Variants in TMEM31 observed in about 807,000 individuals in gnomAD.
The protein encoded by TMEM31 is transmembrane protein 31.
A neutral mutation model predicts 2.4 loss-of-function variants in TMEM31; 1 was observed. That is an observed-to-expected ratio of 0.42 (90% CI 0.15 to 1.97). TMEM31 has a LOEUF of 1.97. TMEM31 is among the 30% of genes most tolerant of loss of function. The pLI, the probability that TMEM31 is intolerant of heterozygous loss-of-function variation, is 0.30. For missense variants in TMEM31, 119 were observed against 121.3 expected, an observed-to-expected ratio of 0.98 and a Z score of 0.09; for synonymous variants, 47 against 45.8, an observed-to-expected ratio of 1.03 and a Z score of -0.10.
In TMEM31 at chrX:103,712,247, A is replaced by G. The variant is rs754595760; in HGVS notation, c.-12A>G. On this transcript the variant is annotated 5_prime_UTR_variant, in exon 2 of 3. Transcript: ENST00000319560. Reference sequence around the variant, plus strand: ...TTATATTTCCCCAGGTGATCACTTTACTGTAGAAGAAATGAGGTTAACAGA... The same window carrying G: ...TTATATTTCCCCAGGTGATCACTTTGCTGTAGAAGAAATGAGGTTAACAGA... 1 of 1,193,720 alleles carries G rather than the reference A, an allele frequency of 8.4e-7. No individual in the cohort carries two copies. The highest frequency in any genetic ancestry group is 1.8e-5 in the South Asian group (1 of 55,121).
rs182879919 is a variant in TMEM31, at chrX:103,711,613, G to C, written c.-24+537G>C. The stretch of plus-strand genomic sequence containing the variant: ...TGCTTTTAGGTTTCTTGAAGAATGA[G>C]TCCTACTCGAGGACATGTAGTTGTG... On this transcript the variant is annotated intron_variant, in intron 1 of 2. Transcript: ENST00000319560. 1.3e-4 allele frequency among the ~76,000 whole-genome samples: 15 copies of C among 111,717 alleles called. 1 individual carries two copies. The Middle Eastern group carries it at 0.019, about 138-fold the overall frequency.
Position 103,713,612 on chromosome X carries a change from C to T in TMEM31, c.121C>T (p.Arg41Ter), listed in dbSNP as rs199835307. 5 of 1,210,455 alleles carry T rather than the reference C, an allele frequency of 4.1e-6. No individual in the cohort carries two copies. Among genetic ancestry groups the T allele is most frequent in the Non-Finnish European group, 5.6e-6 (5 of 895,396 alleles). The change falls in exon 3 of 3, where the codon CGA becomes TGA. Residue 41 changes from arginine to a stop codon, truncating the protein, a stop_gained. Coordinates refer to ENST00000319560, the MANE Select transcript of TMEM31 (RefSeq NM_182541.2). LOFTEE classifies it low-confidence loss of function (END_TRUNC). ...ATGGCAGCATACTCCAGCAAGGCAG[C>T]GAACACAAAGAGCAGACACACAGCC... is the stretch of plus-strand genomic sequence containing the variant. Reference protein sequence around the residue: ...QSEQHTPARQRTQRADTQPSR... With the variant: ...QSEQHTPARQ
Position 103,713,913 on chromosome X carries a change from C to T in TMEM31, c.422C>T (p.Pro141Leu), listed in dbSNP as rs1467011513. 5.0e-6 allele frequency: 6 copies of T among 1,210,172 alleles called. No homozygotes were observed. Among genetic ancestry groups the T allele is most frequent in the East Asian group, 3.0e-5 (1 of 33,794 alleles). Reference sequence around the variant, plus strand: ...CTCTACTTCTACAAGTTTTTCCTTCCTACAATTCTTTCCCTTTCTTTCTTT... The same window carrying T: ...CTCTACTTCTACAAGTTTTTCCTTCTTACAATTCTTTCCCTTTCTTTCTTT... ...STLYFYKFFL[P>L]TILSLSFFIL... The change falls in exon 3 of 3, where the codon CCT (proline) becomes CTT (leucine). Residue 141 changes from proline to leucine, a missense_variant. Transcript: ENST00000319560.
intron 2 of TMEM31, 61 bp from the exon 3 acceptor site, chrX:103,713,533 C>A (rs2074232919): frequency 1.7e-6 from 2 of 1,209,718 alleles, no homozygotes; most frequent in African/African-American, 3.5e-5. Context: ...GCGTTGGCGC[C>A]TCTGCCTTCT....
rs758466453 is a variant in TMEM31 at position 103,713,743 on chromosome X, C to T, written c.252C>T (p.Pro84=). 6 of 1,211,412 alleles carry T rather than the reference C, an allele frequency of 5.0e-6. No homozygotes were observed. In the Admixed American group the frequency reaches 8.7e-5, roughly 18 times the overall value. ...GGCCTACTGAGTGGATTTTCAACCC[C>T]TATCGATTGCCTGCTCTTTTTGAGC... is the stretch of plus-strand genomic sequence containing the variant. ...LPWPTEWIFN[P]YRLPALFELY... is the part of the protein sequence containing the mutation. The change falls in exon 3 of 3, where the codon CCC becomes CCT. Residue 84 remains proline, a synonymous_variant. Transcript: ENST00000319560.
chrX:103,713,727 A>G lies in TMEM31; in HGVS notation c.236A>G (p.Glu79Gly). Residue 79 changes from glutamate to glycine, a missense_variant, in exon 3 of 3, where the codon GAG becomes GGG. Glu to Gly is a moderately conservative substitution (Grantham distance 98, BLOSUM62 -2). Coordinates refer to ENST00000319560, the MANE Select transcript of TMEM31 (RefSeq NM_182541.2). ...NLLEVLPWPTEWIFNPYRLPA... is the reference protein window; with the variant it reads ...NLLEVLPWPTGWIFNPYRLPA... ...CTTGAAGTCCTTCCGTGGCCTACTG[A>G]GTGGATTTTCAACCCCTATCGATTG... 1 of 1,211,467 alleles carries G rather than the reference A, an allele frequency of 8.3e-7. No homozygotes were observed. The highest frequency in any genetic ancestry group is 1.7e-5 in the African/African-American group (1 of 57,675).
At chrX:103,713,476 G>A in intron 2 of TMEM31, 118 bp from the exon 3 acceptor site, 2 of 1,184,329 alleles carry the variant, frequency 1.7e-6, no homozygotes, top group African/African-American at 1.7e-5. Flanking sequence ...GGAGGAAGGA[G>A]TCCAAAGGAG....
chrX:103,713,398 G>A (rs2074232307), intron 2 of TMEM31, 196 bp from the exon 3 acceptor site: 1 of 798,678 alleles, frequency 1.3e-6, no homozygotes, highest in South Asian at 2.6e-5. Context: ...ATGAATCCAG[G>A]GTTTCTGATT....
chrX:103,712,942 CT>C (rs1275134611), intron 2 of TMEM31, among the ~76,000 whole-genome samples: 2 of 111,957 alleles, frequency 1.8e-5, no homozygotes, highest in East Asian at 5.6e-4. Context: ...ACTATACTGA[CT>C]TACAGAATCA....
Position 103,713,643 on chromosome X carries a change from G to A in TMEM31, c.152G>A (p.Arg51Lys). ...CAAAGAGCAGACACACAGCCATCCA[G>A]ATGTCGATTGCCTTCACGTAGGACA... is the stretch of plus-strand genomic sequence containing the variant. ...RTQRADTQPS[R>K]CRLPSRRTPT... Residue 51 changes from arginine (R) to lysine (K), a missense_variant, in exon 3 of 3, where the codon AGA becomes AAA. Physicochemically the swap from Arg to Lys is conservative, Grantham distance 26. Coordinates refer to ENST00000319560, the MANE Select transcript of TMEM31 (RefSeq NM_182541.2). 1.6e-6 allele frequency: 2 copies of A among 1,212,211 alleles called. No individual in the cohort carries two copies. Among genetic ancestry groups the A allele is most frequent in the African/African-American group, 1.7e-5 (1 of 57,905 alleles).
At chrX:103,712,385 A>G (rs200532052) in intron 2 of TMEM31, 25 bp downstream of exon 2, 120 of 1,145,906 alleles carry the variant, frequency 1.0e-4, no homozygotes, top group Non-Finnish European at 1.4e-4. Flanking sequence ...CTCAATTCCA[A>G]CTTAGTTATG....
Position 103,712,303 on chromosome X carries a change from CA to C in TMEM31, c.47del (p.Asn16ThrfsTer97), listed in dbSNP as rs1569416125. 2 of 1,210,467 alleles carry C rather than the reference CA, an allele frequency of 1.7e-6. No homozygotes were observed. The highest frequency in any genetic ancestry group is 2.2e-6 in the Non-Finnish European group (2 of 894,929). ...GTGAGGGAGAACAACAACTCAAGCC[CA>C]ACAACTCTAATGCACCCAATGAAGA... ...KSEGEQQLKP[N>X]NSNAPNEDQE... is the part of the protein sequence containing the mutation. On this transcript the variant is annotated frameshift_variant, in exon 2 of 3. Transcript: ENST00000319560. LOFTEE classifies it high-confidence loss of function.
chrX:103,713,075 GTTTCTTTC>G (rs745966990), intron 2 of TMEM31, among the ~76,000 whole-genome samples: 8 of 110,231 alleles, frequency 7.3e-5, no homozygotes, highest in Non-Finnish European at 1.5e-4. Context: ...TAGAATCCAG[GTTTCTTTC>G]TTTCTTTCTT....
At chrX:103,712,551 T>A (rs2074228266) in intron 2 of TMEM31, among the ~76,000 whole-genome samples, 191 bp downstream of exon 2, 1 of 111,977 alleles carries the variant, frequency 8.9e-6, no homozygotes, top group Non-Finnish European at 1.9e-5. Flanking sequence ...TTTATTTATT[T>A]ACTTATTTTT....
rs2074220865 is a variant in TMEM31, at chrX:103,711,063, T to C, written c.-37T>C. ...ACTCTGGATTGGTTGGCAGTCTGCTTTTTTTTTTCCAAGGTAGGCATTGAG... is the reference window on the plus strand; with the variant it reads ...ACTCTGGATTGGTTGGCAGTCTGCTCTTTTTTTTCCAAGGTAGGCATTGAG... On this transcript the variant is annotated 5_prime_UTR_variant, in exon 1 of 3. Transcript: ENST00000319560. The C allele has an allele frequency of 9.2e-6, 1 of 109,048 alleles. No homozygotes were observed. The highest frequency in any genetic ancestry group is 2.8e-4 in the East Asian group (1 of 3,514). The allele number at this position is 109,048 out of a possible 1,213,427, so 9.0% of individuals were successfully genotyped here.
chrX:103,712,419 T>A, intron 2 of TMEM31, 59 bp downstream of exon 2: 1 of 952,158 alleles, frequency 1.1e-6, no homozygotes, highest in Non-Finnish European at 1.4e-6. Context: ...AATGCTCCCC[T>A]AGAAAGACAC....
rs181032984 is a variant in TMEM31, at chrX:103,710,915, T to C, written c.-185T>C. The C allele has an allele frequency of 3.6e-5, 4 of 110,867 alleles. No homozygotes were observed. The highest frequency in any genetic ancestry group is 1.3e-4 in the African/African-American group (4 of 30,400). The allele number at this position is 110,867 out of a possible 1,213,427, so 9.1% of individuals were successfully genotyped here. On this transcript the variant is annotated 5_prime_UTR_variant, in exon 1 of 3. Coordinates refer to ENST00000319560, the MANE Select transcript of TMEM31 (RefSeq NM_182541.2). ...GCAGGAGGGGACAGGCTGCAGGCAG[T>C]TGCGGGTTGCAGGAGTTCAGGAAAG...
intron 1 of TMEM31, among the ~76,000 whole-genome samples, chrX:103,711,457 C>G (rs190614126): frequency 5.0e-5 from 5 of 101,005 alleles, no homozygotes; most frequent in Non-Finnish European, 7.9e-5. Context: ...GCACTACAGC[C>G]TGGGCGACAG....
intron 2 of TMEM31, 57 bp from the exon 3 acceptor site, chrX:103,713,537 G>A: frequency 1.7e-5 from 20 of 1,211,463 alleles, no homozygotes; most frequent in Non-Finnish European, 2.2e-5. Flanking sequence ...TGGCGCCTCT[G>A]CCTTCTTCGA....
Sources: allele counts gnomAD v4.1 joint callset (sites outside exome capture counted in the v4.1 genomes callset), GRCh38; gene constraint gnomAD v4.1.1; transcripts MANE v1.5; gene names NCBI Gene and HGNC (gene_info 2026-07-23, HGNC 2026-07-21).